Variants in DLGAP2 observed in about 807,000 individuals in gnomAD.
DLGAP2 encodes the protein DLG associated protein 2.
Under a neutral mutation model 100.3 loss-of-function variants are expected in DLGAP2, and 26 were observed. The ratio of observed to expected loss-of-function variants is 0.26; its 90% CI spans 0.19 to 0.36. DLGAP2 has a LOEUF of 0.36. Ranked by LOEUF, DLGAP2 falls within the 10% of genes least tolerant of loss-of-function variation. DLGAP2 has a pLI of 1.00. For missense variants in DLGAP2, 1,858 were observed against 1,453.2 expected (o/e 1.28, Z -4.53); for synonymous variants, 886 against 630.1 (o/e 1.41, Z -6.08).
chr8:1,461,788 G>C (rs373372547), intron 3 of DLGAP2, among the ~76,000 whole-genome samples: 1 of 27,390 alleles, frequency 3.7e-5, no homozygotes, highest in Admixed American at 3.9e-4. Flanking sequence ...TCACTGATTT[G>C]GTGGCCAGGA....
chr8:1,520,747 T>A (rs921260877), intron 4 of DLGAP2, among the ~76,000 whole-genome samples: 2 of 152,244 alleles, frequency 1.3e-5, no homozygotes, highest in Admixed American at 1.3e-4. Context: ...CACTGCCTGA[T>A]GTAACGGTTT....
At chr8:766,064 G>C (rs143603707) in intron 1 of DLGAP2, among the ~76,000 whole-genome samples, 2,073 of 152,306 alleles carry the variant, frequency 0.014, 21 homozygotes, top group Middle Eastern at 0.024. Context: ...CTACTTGGGA[G>C]GCTGAGGCAG....
intron 6 of DLGAP2, among the ~76,000 whole-genome samples, chr8:1,606,344 C>A (rs1796798424): frequency 6.6e-6 from 1 of 152,138 alleles, no homozygotes; most frequent in Non-Finnish European, 1.5e-5. Flanking sequence ...GCGCGAACAT[C>A]AGTGCAATCC....
At chr8:883,741 T>A (rs953321167) in intron 1 of DLGAP2, among the ~76,000 whole-genome samples, 2 of 152,154 alleles carry the variant, frequency 1.3e-5, no homozygotes, top group Non-Finnish European at 2.9e-5. Context: ...GCGCGGGTGC[T>A]GTGGTGGTTT....
In DLGAP2 at chr8:1,707,954, T is replaced by C. The variant is rs994210860; in HGVS notation, c.*6548T>C. The C allele has an allele frequency of 3.3e-5, 5 of 152,652 alleles. No individual in the cohort carries two copies. The South Asian group carries it at 6.2e-4, about 19-fold the overall frequency. The allele number at this position is 152,652 out of a possible 1,614,324, so 9.5% of individuals were successfully genotyped here. A position where few individuals can be genotyped will look rare whatever the true frequency, so the allele number is the denominator to read the frequency against. On this transcript the variant is annotated 3_prime_UTR_variant, in exon 15 of 15. Coordinates refer to ENST00000637795, the MANE Select transcript of DLGAP2 (RefSeq NM_001346810.2). ...TCTATTTAGTAGCATGCAGGATACC[T>C]AATCTGAATGTGCAATATGCTATTC...
At chr8:1,236,247 CTAGTTATCTCACATGG>C (rs1235638700) in intron 2 of DLGAP2, among the ~76,000 whole-genome samples, 4 of 68,450 alleles carry the variant, frequency 5.8e-5, no homozygotes, top group African/African-American at 6.6e-5. Flanking sequence ...GGCACCATGT[CTAGTTATCTCACATGG>C]TGCCGTTTCT....
At chr8:1,487,301 A>T (rs1205511097) in intron 3 of DLGAP2, among the ~76,000 whole-genome samples, 3 of 152,232 alleles carry the variant, frequency 2.0e-5, no homozygotes. Flanking sequence ...CTGGGGATAT[A>T]GATCAAAATT....
chr8:1,108,979 G>A (rs1804868312), intron 2 of DLGAP2, among the ~76,000 whole-genome samples: 1 of 141,706 alleles, frequency 7.1e-6, no homozygotes, highest in Admixed American at 7.2e-5. Context: ...GTACGGGTCT[G>A]TGAGGTGTGC....
intron 1 of DLGAP2, among the ~76,000 whole-genome samples, chr8:833,680 C>T (rs769668586): frequency 6.6e-6 from 1 of 152,230 alleles, no homozygotes; most frequent in Non-Finnish European, 1.5e-5. Flanking sequence ...GTCACCAGTT[C>T]TCAGCTTCTG....
chr8:980,212 T>G (rs1331000595), intron 2 of DLGAP2, among the ~76,000 whole-genome samples: 1 of 152,196 alleles, frequency 6.6e-6, no homozygotes, highest in Admixed American at 6.5e-5. Flanking sequence ...GAAAATCATC[T>G]GCGTGGACAT....
At chr8:1,695,956 G>T (rs1425671256) in intron 13 of DLGAP2, among the ~76,000 whole-genome samples, 4 of 152,246 alleles carry the variant, frequency 2.6e-5, no homozygotes, top group South Asian at 2.1e-4. Context: ...AGTGGCCAAG[G>T]CTGCCCTCGT....
intron 1 of DLGAP2, among the ~76,000 whole-genome samples, chr8:748,167 C>T (rs71514198): frequency 6.6e-5 from 2 of 30,326 alleles, no homozygotes; most frequent in African/African-American, 1.3e-4. Flanking sequence ...GGCGGGTCTG[C>T]GGTGGGATGG....
intron 1 of DLGAP2, among the ~76,000 whole-genome samples, chr8:796,200 G>A (rs1028760400): frequency 6.6e-6 from 1 of 152,192 alleles, no homozygotes; most frequent in African/African-American, 2.4e-5. Context: ...CACAGCTTTG[G>A]GGGTTCCAGG....
intron 3 of DLGAP2, among the ~76,000 whole-genome samples, chr8:1,342,389 G>A (rs1801437297): frequency 6.6e-6 from 1 of 152,166 alleles, no homozygotes; most frequent in African/African-American, 2.4e-5. Flanking sequence ...CAGGTCTTCC[G>A]ATTTTAAGTT....
intron 2 of DLGAP2, among the ~76,000 whole-genome samples, chr8:1,042,890 A>G (rs112507910): frequency 0.21 from 447 of 2,140 alleles, no homozygotes; most frequent in Admixed American, 0.23. Context: ...GGTGTGGGTG[A>G]TGGATGTGGG....
At chr8:1,692,962 CAT>C (rs1003504745) in intron 13 of DLGAP2, among the ~76,000 whole-genome samples, 3 of 147,702 alleles carry the variant, frequency 2.0e-5, no homozygotes, top group Non-Finnish European at 4.5e-5. Flanking sequence ...CAGAAAAGCT[CAT>C]ATATACATCT....
intron 2 of DLGAP2, among the ~76,000 whole-genome samples, chr8:1,093,464 G>A (rs1804255049): frequency 6.6e-6 from 1 of 150,668 alleles, no homozygotes; most frequent in Non-Finnish European, 1.5e-5. Flanking sequence ...CACACCAACA[G>A]CCAGACAGAA....
At chr8:985,663 C>A (rs55696820) in intron 2 of DLGAP2, among the ~76,000 whole-genome samples, 48,645 of 152,062 alleles carry the variant, frequency 0.32, 8,321 homozygotes, top group Admixed American at 0.41. Flanking sequence ...TATCTGAGAG[C>A]AGAACATCTG....
chr8:808,382 T>A (rs538288024), intron 1 of DLGAP2, among the ~76,000 whole-genome samples: 49 of 152,282 alleles, frequency 3.2e-4, no homozygotes, highest in African/African-American at 1.1e-3. Flanking sequence ...TTTCCTTTGA[T>A]GATCAGAGTC....
Sources: allele counts gnomAD v4.1 joint callset (sites outside exome capture counted in the v4.1 genomes callset), GRCh38; gene constraint gnomAD v4.1.1; transcripts MANE v1.5; gene names NCBI Gene and HGNC (gene_info 2026-07-23, HGNC 2026-07-21).